Variants in CFAP161 observed in about 807,000 individuals in gnomAD.
CFAP161 encodes the protein cilia and flagella associated protein 161.
A neutral mutation model predicts 29.0 loss-of-function variants in CFAP161; 25 were observed. That is an observed-to-expected ratio of 0.86 (90% CI 0.63 to 1.20). The LOEUF is 1.20. Among genes scored for constraint, CFAP161 ranks in the 50% most tolerant of loss-of-function variants. The probability of loss-of-function intolerance (pLI) is 0.00; values close to 1 mark genes in which losing one functional copy is unlikely to be tolerated. For synonymous variants in CFAP161, 116 were observed against 137.4 expected (o/e 0.84, Z 1.09); for missense variants, 367 against 371.9 (o/e 0.99, Z 0.11).
chr15:81,139,577 G>A (rs1894870707), intron 4 of CFAP161, among the ~76,000 whole-genome samples: 2 of 152,054 alleles, frequency 1.3e-5, no homozygotes, highest in South Asian at 4.1e-4. Flanking sequence ...CATTTAATGA[G>A]AGCATAAGAT....
At chr15:81,106,040 A>G (rs1270119735) in intron 1 of CFAP161, among the ~76,000 whole-genome samples, 1 of 152,174 alleles carries the variant, frequency 6.6e-6, no homozygotes, top group Non-Finnish European at 1.5e-5. Flanking sequence ...ATTGCCCATA[A>G]TAGGGATTTG....
At chr15:81,126,199 C>T (rs1014380117) in intron 1 of CFAP161, among the ~76,000 whole-genome samples, 1 of 152,106 alleles carries the variant, frequency 6.6e-6, no homozygotes, top group Non-Finnish European at 1.5e-5. Flanking sequence ...AAAGTGAGAT[C>T]CAAATTATAT....
Position 81,136,634 on chromosome 15 carries a change from G to A in CFAP161, c.278G>A (p.Cys93Tyr). The part of the protein sequence containing the change: ...DVFLRGDLSL[C>Y]MTPDEIQSHL... ...TTTCTGCGTGGGGACCTGAGCCTGT[G>A]TATGACTCCAGATGAAATTCAGTCC... The change falls in exon 3 of 7, where the codon TGT becomes TAT. Residue 93 changes from cysteine (C) to tyrosine (Y), a missense_variant. Physicochemically the swap from Cys to Tyr is radical, Grantham distance 194 (BLOSUM62 -2). Coordinates refer to ENST00000286732, the MANE Select transcript of CFAP161 (RefSeq NM_173528.4). 1.9e-6 allele frequency: 3 copies of A among 1,614,178 alleles called. No homozygotes were observed. Among genetic ancestry groups the A allele is most frequent in the East Asian group, 2.2e-5 (1 of 44,884 alleles).
chr15:81,118,123 G>A (rs1894522766), intron 1 of CFAP161: 2 of 525,516 alleles, frequency 3.8e-6, no homozygotes, highest in Admixed American at 5.6e-5. Flanking sequence ...GTTTAAATGT[G>A]TGAGATTTGG....
At chr15:81,123,876 G>T (rs981135704) in intron 1 of CFAP161, among the ~76,000 whole-genome samples, 1 of 152,154 alleles carries the variant, frequency 6.6e-6, no homozygotes, top group Non-Finnish European at 1.5e-5. Context: ...AGCAATTTTT[G>T]CACATTGATT....
Position 81,104,140 on chromosome 15 carries a change from T to A in CFAP161, c.-141-23450T>A, listed in dbSNP as rs188700484. Among the ~76,000 whole-genome samples the A allele has an allele frequency of 4.6e-5, 7 of 152,272 alleles. No individual in the cohort carries two copies. The East Asian group carries it at 1.3e-3, about 29-fold the overall frequency. On this transcript the variant is annotated intron_variant, in intron 1 of 4. Coordinates refer to the CFAP161 transcript ENST00000560091. ...AGCTGGTTGTCAAGTGCTTTTCCAC[T>A]AAAGAAAAAGAATGGGCAGCCTTCT...
intron 3 of CFAP161, 82 bp downstream of exon 3, chr15:81,136,830 A>C: frequency 1.7e-6 from 2 of 1,161,592 alleles, no homozygotes; most frequent in East Asian, 4.8e-5. Context: ...TATTGGAGCC[A>C]CTGAGTGGAG....
intron 4 of CFAP161, among the ~76,000 whole-genome samples, chr15:81,140,748 T>C (rs1894894289): frequency 6.6e-6 from 1 of 151,616 alleles, no homozygotes; most frequent in Non-Finnish European, 1.5e-5. Flanking sequence ...TATTTATTAT[T>C]TATTTATTTA....
chr15:81,109,060 G>C lies in CFAP161; in HGVS notation c.-141-18530G>C, dbSNP rs146468120. On this transcript the variant is annotated intron_variant, in intron 1 of 4. Coordinates refer to the CFAP161 transcript ENST00000560091. ...AGTGAGCAGGAGCATTGTCACGGTG[G>C]AGAAGGGCTCTCCAGTGAAGCTCTC... is the stretch of plus-strand genomic sequence containing the variant. Among the ~76,000 whole-genome samples, 233 of 152,260 alleles carry C rather than the reference G, an allele frequency of 1.5e-3. 1 individual carries two copies. The highest frequency in any genetic ancestry group is 5.1e-3 in the African/African-American group (211 of 41,542).
chr15:81,141,330 G>A (rs1894904639), intron 4 of CFAP161, among the ~76,000 whole-genome samples: 1 of 152,124 alleles, frequency 6.6e-6, no homozygotes, highest in South Asian at 2.1e-4. Context: ...ATAGAATAAG[G>A]ATAGAACATT....
chr15:81,132,056 C>T (rs1894718719), upstream of CFAP161, among the ~76,000 whole-genome samples: 1 of 152,124 alleles, frequency 6.6e-6, no homozygotes, highest in East Asian at 1.9e-4. Context: ...GAGGGCCGAT[C>T]ACTTGAGGTC....
intron 5 of CFAP161, 51 bp from the exon 6 acceptor site, chr15:81,147,806 CA>C (rs11395672): frequency 0.051 from 56,678 of 1,109,280 alleles, 3 homozygotes; most frequent in South Asian, 0.055. Flanking sequence ...TCCCTAAAAG[CA>C]AAAAAAAAAA....
chr15:81,138,891 C>G (rs1894856959), intron 4 of CFAP161, among the ~76,000 whole-genome samples: 1 of 152,154 alleles, frequency 6.6e-6, no homozygotes, highest in Non-Finnish European at 1.5e-5. Context: ...TGACTCAAGT[C>G]ACTCAGTTAG....
chr15:81,105,647 T>A (rs1894364041), intron 1 of CFAP161, among the ~76,000 whole-genome samples: 1 of 152,182 alleles, frequency 6.6e-6, no homozygotes, highest in African/African-American at 2.4e-5. Context: ...CTGGGGAAAC[T>A]GAGACCTGCC....
chr15:81,112,194 GTT>G (rs199789346), intron 1 of CFAP161, among the ~76,000 whole-genome samples: 3 of 144,552 alleles, frequency 2.1e-5, no homozygotes, highest in African/African-American at 7.5e-5. Context: ...GCTTCAATCT[GTT>G]TTTTTTTTTT....
intron 1 of CFAP161, among the ~76,000 whole-genome samples, chr15:81,112,860 C>T (rs1175282635): frequency 6.6e-6 from 1 of 152,060 alleles, no homozygotes; most frequent in East Asian, 1.9e-4. Flanking sequence ...CAAAATAATA[C>T]TTTTAAAGCG....
At position 81,134,295 on chromosome 15, in the gene CFAP161, C is replaced by T. The variant is rs962651950; in HGVS notation, c.-35C>T. ...GACGCGCCACGCTAACGCATGGTGTCGGAGGGAGGCCCACTTGCTGAACAG... is the reference window on the plus strand; with the variant it reads ...GACGCGCCACGCTAACGCATGGTGTTGGAGGGAGGCCCACTTGCTGAACAG... On this transcript the variant is annotated 5_prime_UTR_variant, in exon 1 of 7. Transcript: ENST00000286732. 4 of 1,565,430 alleles carry T rather than the reference C, an allele frequency of 2.6e-6. No homozygotes were observed. Among genetic ancestry groups the T allele is most frequent in the Admixed American group, 3.9e-5 (2 of 51,592 alleles).
At chr15:81,102,247 T>A (rs1894312011) in intron 1 of CFAP161, among the ~76,000 whole-genome samples, 1 of 152,230 alleles carries the variant, frequency 6.6e-6, no homozygotes. Flanking sequence ...GGGTGAGGGC[T>A]GGGTCTGAGA....
At chr15:81,125,352 A>T (rs1377267005) in intron 1 of CFAP161, among the ~76,000 whole-genome samples, 3 of 152,172 alleles carry the variant, frequency 2.0e-5, no homozygotes, top group Non-Finnish European at 4.4e-5. Flanking sequence ...GTATCAGAAG[A>T]TACATCTGTT....
Sources: gnomAD v4.1 joint callset for allele counts (sites outside exome capture counted in the v4.1 genomes callset) on GRCh38, gnomAD v4.1.1 for gene constraint, MANE v1.5 for transcripts, NCBI Gene and HGNC (gene_info 2026-07-23, HGNC 2026-07-21) for gene names.